The following COL4A5 variants were observed in gnomAD, a reference collection of about 807,000 sequenced individuals.
COL4A5 encodes collagen alpha-5(IV) chain.
Under a neutral mutation model 130.2 loss-of-function variants are expected in COL4A5, and 26 were observed. The ratio of observed to expected loss-of-function variants is 0.20; its 90% CI spans 0.15 to 0.28. The LOEUF (loss-of-function observed/expected upper bound fraction) is 0.28, where lower values mean the gene tolerates loss of function less well. Among genes scored for constraint, COL4A5 ranks in the 10% least tolerant of loss-of-function variants. COL4A5 has a pLI of 1.00. For synonymous variants in COL4A5, 496 were observed against 439.6 expected (o/e 1.13, Z -1.60); for missense variants, 1,131 against 1,344.3 (o/e 0.84, Z 2.48).
intron 36 of COL4A5, chrX:108,627,711 C>A: frequency 5.8e-6 from 2 of 345,942 alleles, no homozygotes; most frequent in Non-Finnish European, 7.5e-6. Flanking sequence ...AATAAAAAGT[C>A]TCCTTTTTAC....
intron 1 of COL4A5, among the ~76,000 whole-genome samples, chrX:108,508,835 T>C (rs1238790971): frequency 8.9e-6 from 1 of 112,088 alleles, no homozygotes; most frequent in Non-Finnish European, 1.9e-5. Context: ...CAATAAATGG[T>C]GCTGGGATAA....
Position 108,552,962 on chromosome X carries a change from T to C in COL4A5, c.142-6102T>C, listed in dbSNP as rs188911363. On this transcript the variant is annotated intron_variant, in intron 2 of 52. Coordinates refer to ENST00000328300, the MANE Select transcript of COL4A5 (RefSeq NM_033380.3). ...GACATAATAGAGACTCACAGGTAAA[T>C]AGTGAATCTGTTTTTTGACAAAAAT... Among the ~76,000 whole-genome samples, 664 of 112,047 alleles carry C rather than the reference T, an allele frequency of 5.9e-3. 3 individuals are homozygous for C. The highest frequency in any genetic ancestry group is 8.5e-3 in the Non-Finnish European group (451 of 53,139).
At chrX:108,589,410 A>G (rs752087958) in intron 19 of COL4A5, among the ~76,000 whole-genome samples, 2 of 111,127 alleles carry the variant, frequency 1.8e-5, no homozygotes, top group South Asian at 7.4e-4. Flanking sequence ...AAAATAAAAT[A>G]TAAGGTGACA....
At chrX:108,545,319 CGTT>C (rs1456204641) in intron 2 of COL4A5, among the ~76,000 whole-genome samples, 1 of 111,264 alleles carries the variant, frequency 9.0e-6, no homozygotes, top group Admixed American at 9.6e-5. Flanking sequence ...TCTTTGTTCT[CGTT>C]GGTTTCAAAG....
rs2064977358 is a variant in COL4A5, at chrX:108,489,601, T to C, written c.81+49395T>C. Among the ~76,000 whole-genome samples, 2 of 112,234 alleles carry C rather than the reference T, an allele frequency of 1.8e-5. 1 individual carries two copies. Among genetic ancestry groups the C allele is most frequent in the Admixed American group, 1.9e-4 (2 of 10,538 alleles). ...AATACCGCCCAAGTTTGCTTTCTGC[T>C]AATATTATTGAATTTGTATTGAGAA... On this transcript the variant is annotated intron_variant, in intron 1 of 52. Transcript: ENST00000328300.
chrX:108,633,914 A>G (rs2067310190), intron 36 of COL4A5, among the ~76,000 whole-genome samples: 1 of 111,946 alleles, frequency 8.9e-6, no homozygotes, highest in Admixed American at 9.5e-5. Flanking sequence ...AATTTCAGTT[A>G]TCATTACTTA....
At chrX:108,559,539 A>C (rs966872978) in intron 3 of COL4A5, among the ~76,000 whole-genome samples, 32 of 111,722 alleles carry the variant, frequency 2.9e-4, no homozygotes, top group African/African-American at 1.0e-3. Flanking sequence ...GCAGAAAGTT[A>C]AACTGGAGAA....
At chrX:108,668,601 C>T (rs771141892) in intron 41 of COL4A5, 97 bp downstream of exon 41, 21 of 656,831 alleles carry the variant, frequency 3.2e-5, no homozygotes, top group East Asian at 3.0e-4. Flanking sequence ...AGAATTTTTC[C>T]GGTGCATTGG....
chrX:108,537,612 G>C (rs753795486), intron 1 of COL4A5, among the ~76,000 whole-genome samples: 50 of 111,516 alleles, frequency 4.5e-4, no homozygotes, highest in African/African-American at 1.5e-3. Context: ...ATTATTTTTA[G>C]GAGCTTAATT....
chrX:108,474,000 A>G (rs1213067653), intron 1 of COL4A5, among the ~76,000 whole-genome samples: 1 of 111,371 alleles, frequency 9.0e-6, no homozygotes, highest in East Asian at 2.8e-4. Context: ...CAAAAGTATC[A>G]GAAAGCTAAA....
intron 2 of COL4A5, among the ~76,000 whole-genome samples, chrX:108,547,171 G>A (rs189932571): frequency 2.2e-4 from 25 of 112,216 alleles, no homozygotes; most frequent in Non-Finnish European, 2.8e-4. Context: ...TTCCTTTGGA[G>A]GAGGAGAGGC....
chrX:108,669,186 T>G (rs996311905), intron 41 of COL4A5, among the ~76,000 whole-genome samples: 1 of 111,924 alleles, frequency 8.9e-6, no homozygotes, highest in African/African-American at 3.2e-5. Context: ...TTTTACTAAT[T>G]TTGGAAATGC....
intron 44 of COL4A5, among the ~76,000 whole-genome samples, chrX:108,678,684 A>G (rs2068360177): frequency 9.0e-6 from 1 of 111,385 alleles, no homozygotes; most frequent in Admixed American, 9.6e-5. Flanking sequence ...TGGACAACAT[A>G]GCAAGACCCT....
At chrX:108,624,786 A>C (rs780055698) in intron 34 of COL4A5, among the ~76,000 whole-genome samples, 2 of 111,695 alleles carry the variant, frequency 1.8e-5, no homozygotes, top group African/African-American at 6.5e-5. Flanking sequence ...TAGGCATGAA[A>C]ATTTCACAAA....
At position 108,580,527 on chromosome X, in the gene COL4A5, G is replaced by A; in HGVS notation, c.781-6G>A. The stretch of plus-strand genomic sequence containing the variant: ...CATTGATTTCCTTTCCCCTACTACT[G>A]CATAGGGACTTCCTGGTGACCGAGG... On this transcript the variant is annotated splice_region_variant and splice_polypyrimidine_tract_variant and intron_variant, in intron 13 of 52. Transcript: ENST00000328300. The A allele has an allele frequency of 8.3e-7, 1 of 1,201,343 alleles. No homozygotes were observed. Among genetic ancestry groups the A allele is most frequent in the Non-Finnish European group, 1.1e-6 (1 of 886,824 alleles).
chrX:108,675,453 C>T (rs1370872704), intron 43 of COL4A5, among the ~76,000 whole-genome samples: 1 of 111,316 alleles, frequency 9.0e-6, no homozygotes, highest in Non-Finnish European at 1.9e-5. Flanking sequence ...AGCTGATTTG[C>T]TACTTAATTT....
intron 3 of COL4A5, among the ~76,000 whole-genome samples, chrX:108,561,764 A>G (rs912840827): frequency 3.6e-5 from 4 of 112,120 alleles, no homozygotes; most frequent in African/African-American, 9.7e-5. Context: ...ATTTAAATGC[A>G]TGAATATTTT....
intron 47 of COL4A5, among the ~76,000 whole-genome samples, chrX:108,684,001 C>T (rs1297466370): frequency 3.6e-5 from 4 of 111,429 alleles, no homozygotes; most frequent in African/African-American, 1.3e-4. Flanking sequence ...GTACCACATG[C>T]TCCTGAATGA....
Position 108,640,415 on chromosome X carries a change from G to A in COL4A5, c.3246+14066G>A, listed in dbSNP as rs1603302849. On this transcript the variant is annotated intron_variant, in intron 36 of 52. Transcript: ENST00000328300. ...GGAAAATAAGGAGATATTGGCCAAA[G>A]GGTACAAACATTTAGTTAGTTATAA... Among the ~76,000 whole-genome samples, 4 of 111,105 alleles carry A rather than the reference G, an allele frequency of 3.6e-5. No homozygotes were observed. In the South Asian group the frequency reaches 1.1e-3, roughly 32 times the overall value.
Sources: allele counts gnomAD v4.1 joint callset (sites outside exome capture counted in the v4.1 genomes callset), GRCh38; gene constraint gnomAD v4.1.1; transcripts MANE v1.5; gene names NCBI Gene and HGNC (gene_info 2026-07-23, HGNC 2026-07-21).